The following ZSCAN2 variants were observed in gnomAD, a reference collection of about 807,000 sequenced individuals.
ZSCAN2 encodes the protein zinc finger and SCAN domain containing 2, also known as zinc finger and SCAN domain-containing protein 2.
ZSCAN2 carries 26 observed loss-of-function variants against 47.8 expected under a neutral mutation model. The ratio of observed to expected loss-of-function variants is 0.54; its 90% CI spans 0.40 to 0.75. The LOEUF (loss-of-function observed/expected upper bound fraction) is 0.75, where lower values mean the gene tolerates loss of function less well. ZSCAN2 is among the 30% of genes least tolerant of loss of function. The pLI is 0.00. For synonymous variants in ZSCAN2, 305 were observed against 288.7 expected (o/e 1.06, Z -0.57); for missense variants, 732 against 785.4 (o/e 0.93, Z 0.81).
At chr15:84,610,885 A>G (rs1043631387) in intron 2 of ZSCAN2, among the ~76,000 whole-genome samples, 13 of 152,394 alleles carry the variant, frequency 8.5e-5, no homozygotes, top group African/African-American at 3.1e-4. Flanking sequence ...GTAGCAGATC[A>G]TGAGTCAAAA....
intron 2 of ZSCAN2, among the ~76,000 whole-genome samples, chr15:84,610,610 C>T (rs1895519082): frequency 6.6e-6 from 1 of 151,822 alleles, no homozygotes; most frequent in Admixed American, 6.6e-5. Flanking sequence ...CCTCAGCCTC[C>T]CGAGTAGGTG....
chr15:84,621,560 C>T lies in ZSCAN2; in HGVS notation c.1365C>T (p.Phe455=). Reference sequence around the variant, plus strand: ...AGTGTGGGGTGTGTGGGAAGAGCTTCAGCCAGAGCTCCAGTCTGATTGCAC... The same window carrying T: ...AGTGTGGGGTGTGTGGGAAGAGCTTTAGCCAGAGCTCCAGTCTGATTGCAC... ...PYKCGVCGKS[F]SQSSSLIAHQ... Residue 455 remains phenylalanine (F), a synonymous_variant, in exon 3 of 3, where the codon TTC becomes TTT. Transcript: ENST00000546148. The surrounding 1 kb of genome is among the most constrained non-coding windows in gnomAD (Gnocchi z 5.7). 1 of 1,614,068 alleles carries T rather than the reference C, an allele frequency of 6.2e-7. No individual in the cohort carries two copies. Among genetic ancestry groups the T allele is most frequent in the Non-Finnish European group, 8.5e-7 (1 of 1,180,028 alleles).
rs1895841586 is a variant in ZSCAN2, at chr15:84,622,659, C to G, written c.*619C>G. 1.4e-6 allele frequency: 1 copy of G among 717,338 alleles called. No individual in the cohort carries two copies. The highest frequency in any genetic ancestry group is 1.7e-5 in the African/African-American group (1 of 57,258). 44.4% of individuals were successfully genotyped at this position (717,338 alleles called of 1,614,324 possible). A position where few individuals can be genotyped will look rare whatever the true frequency, so the allele number is the denominator to read the frequency against. On this transcript the variant is annotated 3_prime_UTR_variant, in exon 3 of 3. Transcript: ENST00000546148. ...TTCTATTTCCAGAAAGTGTCAGGAG[C>G]ACAGAAACTTGAGGAAGTACAGCCT...
At chr15:84,604,488 C>T (rs540411333) in intron 2 of ZSCAN2, among the ~76,000 whole-genome samples, 155 bp downstream of exon 2, 98 of 152,316 alleles carry the variant, frequency 6.4e-4, no homozygotes, top group Non-Finnish European at 2.8e-4. Context: ...TGTTCATCAG[C>T]CTTTTAGTGT....
intron 2 of ZSCAN2, chr15:84,616,216 G>A (rs908133504): frequency 3.6e-5 from 28 of 779,934 alleles, no homozygotes; most frequent in Non-Finnish European, 5.7e-5. Context: ...CAGCCTGGGT[G>A]ACAGAGTGAG....
chr15:84,616,260 T>C (rs1352213057), intron 2 of ZSCAN2: 3 of 929,852 alleles, frequency 3.2e-6, no homozygotes, highest in Admixed American at 1.7e-5. Context: ...AATAAATACC[T>C]TGGATTAATG....
intron 2 of ZSCAN2, among the ~76,000 whole-genome samples, chr15:84,610,278 C>T (rs753909487): frequency 3.9e-5 from 6 of 152,106 alleles, no homozygotes; most frequent in Non-Finnish European, 8.8e-5. Flanking sequence ...AAATAGGTCC[C>T]AGATGGATTA....
At chr15:84,604,427 CAG>C in intron 2 of ZSCAN2, 94 bp downstream of exon 2, 1 of 1,461,612 alleles carries the variant, frequency 6.8e-7, no homozygotes, top group East Asian at 2.3e-5. Flanking sequence ...GTGTCCAAGG[CAG>C]AGTGGGGGGC....
At chr15:84,608,626 C>T (rs1458536801) in intron 2 of ZSCAN2, among the ~76,000 whole-genome samples, 1 of 151,994 alleles carries the variant, frequency 6.6e-6, no homozygotes, top group African/African-American at 2.4e-5. Flanking sequence ...CACTAGACCT[C>T]TGTAGACCTC....
chr15:84,601,283 C>A (rs759726341), intron 1 of ZSCAN2, 148 bp downstream of exon 1: 1 of 152,218 alleles, frequency 6.6e-6, no homozygotes, highest in African/African-American at 2.4e-5. Context: ...CCTGCAGCCC[C>A]GATTTACGCG....
At position 84,623,061 on chromosome 15, in the gene ZSCAN2, G is replaced by A. The variant is rs977065891; in HGVS notation, c.*1021G>A. On this transcript the variant is annotated 3_prime_UTR_variant, in exon 3 of 3. Coordinates refer to ENST00000546148, the MANE Select transcript of ZSCAN2 (RefSeq NM_181877.4). ...ATATATGCCGAGCTAGAATCCTGTC[G>A]GGTAGCTTTTGTATACTAAGAACAT... The A allele has an allele frequency of 2.6e-5, 5 of 193,708 alleles. No individual in the cohort carries two copies. Among genetic ancestry groups the A allele is most frequent in the African/African-American group, 9.5e-5 (4 of 42,248 alleles). The allele number at this position is 193,708 out of a possible 1,614,324, so 12.0% of individuals were successfully genotyped here.
intron 2 of ZSCAN2, among the ~76,000 whole-genome samples, chr15:84,609,351 TCA>T (rs1370278162): frequency 6.7e-6 from 1 of 149,634 alleles, no homozygotes; most frequent in African/African-American, 2.5e-5. Flanking sequence ...AGACAAAGTC[TCA>T]CTCTGTCAAC....
Position 84,621,249 on chromosome 15 carries a change from C to T in ZSCAN2, c.1054C>T (p.His352Tyr), listed in dbSNP as rs754985746. The change falls in exon 3 of 3, where the codon CAT (histidine) becomes TAT (tyrosine). Residue 352 changes from histidine to tyrosine, a missense_variant. Physicochemically the swap from His to Tyr is moderately conservative, Grantham distance 83. Transcript: ENST00000546148. This position sits in a 1 kb window ranked among gnomAD's most constrained non-coding sequence, Gnocchi z 5.7. ...TGGCAACCGATCCAGCCTTAACACG[C>T]ATCAGGGGATCCACACTGGAGAAAA... ...SFGNRSSLNT[H>Y]QGIHTGEKPY... 6 of 1,613,758 alleles carry T rather than the reference C, an allele frequency of 3.7e-6. No homozygotes were observed.
At chr15:84,607,748 AT>A (rs201975228) in intron 2 of ZSCAN2, among the ~76,000 whole-genome samples, 2,246 of 152,218 alleles carry the variant, frequency 0.015, 65 homozygotes, top group African/African-American at 0.05. Flanking sequence ...ACCTCAGGTG[AT>A]CCACCCACCT....
intron 2 of ZSCAN2, among the ~76,000 whole-genome samples, chr15:84,614,121 G>C (rs1895631076): frequency 6.6e-6 from 1 of 150,556 alleles, no homozygotes; most frequent in Non-Finnish European, 1.5e-5. Flanking sequence ...TTCCTGAGTA[G>C]CTGGGACTAC....
At position 84,604,350 on chromosome 15, in the gene ZSCAN2, C is replaced by A; in HGVS notation, c.406+17C>A. The A allele has an allele frequency of 6.3e-7, 1 of 1,589,354 alleles. No individual in the cohort carries two copies. The highest frequency in any genetic ancestry group is 1.7e-5 in the Admixed American group (1 of 57,700). ...AGGACAGTGGTGAGACGCAGAACCT[C>A]ATAGGGAGAGGGCGGGAGCACCCTT... On this transcript the variant is annotated intron_variant, in intron 2 of 2. Transcript: ENST00000546148.
Position 84,623,059 on chromosome 15 carries a change from T to C in ZSCAN2, c.*1019T>C. On this transcript the variant is annotated 3_prime_UTR_variant, in exon 3 of 3. Coordinates refer to ENST00000546148, the MANE Select transcript of ZSCAN2 (RefSeq NM_181877.4). ...TGATATATGCCGAGCTAGAATCCTG[T>C]CGGGTAGCTTTTGTATACTAAGAAC... 1 of 195,850 alleles carries C rather than the reference T, an allele frequency of 5.1e-6. No individual in the cohort carries two copies. The highest frequency in any genetic ancestry group is 1.1e-5 in the Non-Finnish European group (1 of 87,282). The allele number at this position is 195,850 out of a possible 1,614,324, so 12.1% of individuals were successfully genotyped here.
At chr15:84,614,163 T>G (rs978047467) in intron 2 of ZSCAN2, among the ~76,000 whole-genome samples, 13 of 106,490 alleles carry the variant, frequency 1.2e-4, no homozygotes, top group African/African-American at 3.6e-4. Flanking sequence ...GCTAATTCTG[T>G]TTTTTTTTGT....
chr15:84,620,903 C>T lies in ZSCAN2; in HGVS notation c.708C>T (p.His236=), dbSNP rs138808851. The change falls in exon 3 of 3, where the codon CAC becomes CAT. Residue 236 remains histidine, a synonymous_variant. Transcript: ENST00000546148. The part of the protein sequence containing the change: ...QCGKTFSRKS[H]LITHERTHTG... ...GGAAGACCTTCAGCCGGAAATCCCA[C>T]CTCATCACACACGAGAGGACCCACA... 17 of 1,614,048 alleles carry T rather than the reference C, an allele frequency of 1.1e-5. 1 individual carries two copies. The Middle Eastern group carries it at 1.2e-3, about 109-fold the overall frequency.
Sources: gnomAD v4.1 joint callset for allele counts (sites outside exome capture counted in the v4.1 genomes callset) on GRCh38, gnomAD v4.1.1 for gene constraint, Gnocchi (gnomAD v3.1) non-coding constraint, MANE v1.5 for transcripts, NCBI Gene and HGNC (gene_info 2026-07-23, HGNC 2026-07-21) for gene names.